The following FNDC3A variants were observed in gnomAD, a reference collection of about 807,000 sequenced individuals.
FNDC3A encodes fibronectin type-III domain-containing protein 3A.
FNDC3A carries 32 observed loss-of-function variants against 148.9 expected under a neutral mutation model. The observed-to-expected ratio is 0.21, with a 90% CI of 0.16 to 0.29. The LOEUF (loss-of-function observed/expected upper bound fraction) is 0.29. Among genes scored for constraint, FNDC3A ranks in the 10% least tolerant of loss-of-function variants. The pLI is 1.00. For synonymous variants in FNDC3A, 472 were observed against 473.6 expected (o/e 1.00, Z 0.04); for missense variants, 1,191 against 1,452.8 (o/e 0.82, Z 2.93).
intron 8 of FNDC3A, among the ~76,000 whole-genome samples, chr13:49,151,497 G>A (rs1883292488): frequency 6.6e-6 from 1 of 152,130 alleles, no homozygotes; most frequent in African/African-American, 2.4e-5. Context: ...CTTGTAGACA[G>A]CATATAATTG....
intron 8 of FNDC3A, among the ~76,000 whole-genome samples, chr13:49,148,238 T>C (rs1883100622): frequency 6.6e-6 from 1 of 152,186 alleles, no homozygotes; most frequent in African/African-American, 2.4e-5. Context: ...ATTTTTCTTT[T>C]TTTTGTTGTT....
At chr13:49,043,639 T>G (rs1875127701) in intron 2 of FNDC3A, among the ~76,000 whole-genome samples, 1 of 152,176 alleles carries the variant, frequency 6.6e-6, no homozygotes, top group Admixed American at 6.5e-5. Flanking sequence ...TGATTTTCTG[T>G]TTTTTTAAGT....
intron 1 of FNDC3A, among the ~76,000 whole-genome samples, chr13:49,002,624 A>G (rs1295235897): frequency 6.6e-6 from 1 of 152,170 alleles, no homozygotes; most frequent in Non-Finnish European, 1.5e-5. Flanking sequence ...TCCTTGTCAA[A>G]GGGAACCACT....
chr13:49,020,673 G>T (rs762545704), intron 2 of FNDC3A, among the ~76,000 whole-genome samples: 1 of 152,212 alleles, frequency 6.6e-6, no homozygotes, highest in Non-Finnish European at 1.5e-5. Context: ...GTGTTGGGGG[G>T]TTATAATAGC....
At chr13:49,199,368 A>G (rs895387795) in intron 23 of FNDC3A, among the ~76,000 whole-genome samples, 1 of 137,838 alleles carries the variant, frequency 7.3e-6, no homozygotes, top group Admixed American at 7.6e-5. Context: ...TCTCACTCTC[A>G]CCAGGCTGGA....
Position 49,207,390 on chromosome 13 carries a change from A to G in FNDC3A, c.3592A>G (p.Lys1198Glu). 1 of 1,550,728 alleles carries G rather than the reference A, an allele frequency of 6.4e-7. No homozygotes were observed. ...IAFIIQYFVI[K>E] ...CTTTATCATTCAGTACTTTGTAATC[A>G]AGTGAAAATATAACTTTATTTTTTA... The change falls in exon 26 of 26, where the codon AAG becomes GAG. Residue 1198 changes from lysine (K) to glutamate (E), a missense_variant. By Grantham distance (56) the Lys-to-Glu change is moderately conservative. Transcript: ENST00000492622.
intron 2 of FNDC3A, among the ~76,000 whole-genome samples, chr13:49,052,442 G>T (rs1312394306): frequency 4.0e-5 from 6 of 150,814 alleles, no homozygotes; most frequent in Admixed American, 6.6e-5. Flanking sequence ...TTTTTTTTTT[G>T]ACCTTCTGGG....
chr13:49,035,730 G>A (rs1215477503), intron 2 of FNDC3A, among the ~76,000 whole-genome samples: 1 of 152,014 alleles, frequency 6.6e-6, no homozygotes, highest in African/African-American at 2.4e-5. Flanking sequence ...TCTTCAAAGA[G>A]TGCCTAACAT....
chr13:49,095,280 T>A (rs1163441979), intron 3 of FNDC3A: 1 of 152,002 alleles, frequency 6.6e-6, no homozygotes, highest in African/African-American at 2.4e-5. Context: ...ATCATTGTAG[T>A]CCATCAGTTT....
Position 49,178,652 on chromosome 13 carries a change from A to G in FNDC3A, c.1615A>G (p.Lys539Glu). 5 of 1,524,076 alleles carry G rather than the reference A, an allele frequency of 3.3e-6. No homozygotes were observed. Among genetic ancestry groups the G allele is most frequent in the Non-Finnish European group, 4.4e-6 (5 of 1,124,286 alleles). The allele number at this position is 1,524,076 out of a possible 1,614,324, so 94.4% of individuals were successfully genotyped here. The change falls in exon 14 of 26, where the codon AAG becomes GAG. Residue 539 changes from lysine to glutamate, a missense_variant and splice_region_variant. This residue lies in a region of FNDC3A where 751 missense variants were observed against 944.0 expected (regional missense o/e 0.80). Coordinates refer to ENST00000492622, the MANE Select transcript of FNDC3A (RefSeq NM_001079673.2). ...NLRRSTKYKF[K>E]VIAYNSEGKS... ...CAGACGTAGTACTAAGTATAAATTTAAGGTAAGCTTTGAAAACCCTTAAAC... is the reference window on the plus strand; with the variant it reads ...CAGACGTAGTACTAAGTATAAATTTGAGGTAAGCTTTGAAAACCCTTAAAC...
At chr13:48,987,620 A>T (rs1262149147) in intron 1 of FNDC3A, among the ~76,000 whole-genome samples, 2 of 152,236 alleles carry the variant, frequency 1.3e-5, no homozygotes, top group Admixed American at 6.5e-5. Context: ...TCCGACCAAC[A>T]CTACTCTTTC....
chr13:49,064,322 C>T (rs1877103715), intron 2 of FNDC3A, among the ~76,000 whole-genome samples: 2 of 149,910 alleles, frequency 1.3e-5, no homozygotes, highest in Admixed American at 6.7e-5. Flanking sequence ...GCCTGGGCAA[C>T]AGAGCAAGAC....
intron 2 of FNDC3A, among the ~76,000 whole-genome samples, chr13:49,041,207 A>C (rs1470640606): frequency 6.6e-6 from 1 of 152,198 alleles, no homozygotes; most frequent in African/African-American, 2.4e-5. Flanking sequence ...AGTACATACT[A>C]CACATACATC....
rs1171066377 is a variant in FNDC3A, at chr13:49,035,846, A to G, written c.99+29557A>G. Among the ~76,000 whole-genome samples, 3 of 152,192 alleles carry G rather than the reference A, an allele frequency of 2.0e-5. No homozygotes were observed. In the East Asian group the frequency reaches 5.8e-4, roughly 29 times the overall value. On this transcript the variant is annotated intron_variant, in intron 2 of 25. Coordinates refer to ENST00000492622, the MANE Select transcript of FNDC3A (RefSeq NM_001079673.2). ...ATGCTGGTATCAAGCATATATTCTT[A>G]CTTAGGTTGAGTTATTATCCATCAT...
At chr13:49,107,387 T>C (rs1201413367) in intron 3 of FNDC3A, among the ~76,000 whole-genome samples, 2 of 152,124 alleles carry the variant, frequency 1.3e-5, no homozygotes, top group African/African-American at 4.8e-5. Flanking sequence ...AGATGGATGA[T>C]ATGCATGGTT....
intron 25 of FNDC3A, among the ~76,000 whole-genome samples, chr13:49,204,623 TAAAG>T (rs1886564603): frequency 6.6e-6 from 1 of 152,206 alleles, no homozygotes; most frequent in South Asian, 2.1e-4. Context: ...AAATTAATAT[TAAAG>T]AAAATATAAT....
intron 7 of FNDC3A, among the ~76,000 whole-genome samples, chr13:49,142,514 C>T (rs1473158098): frequency 6.6e-6 from 1 of 152,180 alleles, no homozygotes; most frequent in Non-Finnish European, 1.5e-5. Context: ...CACATACACA[C>T]ACAATTACTA....
chr13:49,086,001 A>G (rs773357753), intron 3 of FNDC3A, among the ~76,000 whole-genome samples: 15 of 151,434 alleles, frequency 9.9e-5, no homozygotes, highest in Non-Finnish European at 1.8e-4. Flanking sequence ...TCCTGCTTCA[A>G]CCTCCCAAGT....
intron 1 of FNDC3A, among the ~76,000 whole-genome samples, chr13:49,004,357 T>C (rs768849210): frequency 6.6e-6 from 1 of 152,242 alleles, no homozygotes; most frequent in African/African-American, 2.4e-5. Context: ...GTGATAGATA[T>C]GGCCATACAA....
Sources: gnomAD v4.1 joint callset for allele counts (sites outside exome capture counted in the v4.1 genomes callset) on GRCh38, gnomAD v4.1.1 for gene constraint, gnomAD v4.1.1 regional missense constraint, MANE v1.5 for transcripts, NCBI Gene and HGNC (gene_info 2026-07-23, HGNC 2026-07-21) for gene names.